The following TULP1 variants were observed in gnomAD, a reference collection of about 807,000 sequenced individuals.
TULP1 encodes the protein TUB like protein 1.
A neutral mutation model predicts 67.1 loss-of-function variants in TULP1; 50 were observed. The ratio of observed to expected loss-of-function variants is 0.75; its 90% confidence interval spans 0.59 to 0.94. The LOEUF (loss-of-function observed/expected upper bound fraction) is 0.94. Among genes scored for constraint, TULP1 ranks in the 40% least tolerant of loss-of-function variants. TULP1 has a pLI of 0.00. For synonymous variants in TULP1, 297 were observed against 294.0 expected, an observed-to-expected ratio of 1.01 and a Z score of -0.11; for missense variants, 746 against 734.1, an observed-to-expected ratio of 1.02 and a Z score of -0.19.
At position 35,498,719 on chromosome 6, in the gene TULP1, G is replaced by A. The variant is rs370862064; in HGVS notation, c.1496-259C>T. On this transcript the variant is annotated intron_variant, in intron 14 of 14. Coordinates refer to ENST00000229771, the MANE Select transcript of TULP1 (RefSeq NM_003322.6). The surrounding 1 kb of genome is among the most constrained non-coding windows in gnomAD (Gnocchi z 6.7). Reference sequence around the variant, plus strand: ...CTGCCACAGGCCATGCCTAGAGCCCGCACCTGATTAACTATAGGACCCTGT... The same window carrying A: ...CTGCCACAGGCCATGCCTAGAGCCCACACCTGATTAACTATAGGACCCTGT... 6.6e-5 allele frequency among the ~76,000 whole-genome samples: 10 copies of A among 152,200 alleles called. No homozygotes were observed. Among genetic ancestry groups the A allele is most frequent in the South Asian group, 2.1e-4 (1 of 4,836 alleles).
intron 11 of TULP1, chr6:35,505,517 G>A: frequency 7.6e-7 from 1 of 1,319,856 alleles, no homozygotes; most frequent in Non-Finnish European, 1.0e-6. Flanking sequence ...CATCGCCTGG[G>A]TGCTCATTAA....
At chr6:35,505,278 C>A (rs541593863) in intron 11 of TULP1, among the ~76,000 whole-genome samples, 1 of 152,326 alleles carries the variant, frequency 6.6e-6, no homozygotes, top group South Asian at 2.1e-4. Flanking sequence ...CTCAGGCATC[C>A]CCTTCCTTCA....
In TULP1 at chr6:35,505,474, CCAAG is replaced by C; in HGVS notation, c.1112+263_1112+266del. 3 of 896,362 alleles carry C rather than the reference CCAAG, an allele frequency of 3.3e-6. No individual in the cohort carries two copies. The Admixed American group carries it at 6.4e-5, about 19-fold the overall frequency. 55.5% of individuals were successfully genotyped at this position (896,362 alleles called of 1,614,324 possible). On this transcript the variant is annotated intron_variant, in intron 11 of 14. Transcript: ENST00000229771. ...GCCCTCGTGGAACTTATGCCCTGCT[CCAAG>C]TGAGGCCCTGGGCTGGCAGCAGTGT...
chr6:35,505,635 G>A (rs745777552), intron 11 of TULP1, 106 bp downstream of exon 11: 97 of 1,559,246 alleles, frequency 6.2e-5, no homozygotes, highest in Middle Eastern at 5.0e-4. Flanking sequence ...ACGTTTCCAG[G>A]GTGCCCACTG....
rs1298131682 is a variant in TULP1, at chr6:35,512,881, C to A, written c.-23G>T. On this transcript the variant is annotated 5_prime_UTR_variant, in exon 1 of 15. It adds an upstream start codon to the 5' untranslated region. Coordinates refer to ENST00000229771, the MANE Select transcript of TULP1 (RefSeq NM_003322.6). The stretch of plus-strand genomic sequence containing the variant: ...CATGGTGCCTTTGCCTATCGCACCC[C>A]TTTCTCTGCAGGTCTAGGAGCCTCC... 1.2e-6 allele frequency: 2 copies of A among 1,611,852 alleles called. No homozygotes were observed. The highest frequency in any genetic ancestry group is 2.2e-5 in the South Asian group (2 of 91,006).
intron 7 of TULP1, 45 bp downstream of exon 7, chr6:35,509,589 G>A (rs754530526): frequency 1.3e-6 from 2 of 1,590,408 alleles, no homozygotes; most frequent in African/African-American, 1.3e-5. Context: ...CCCGCCCCCA[G>A]GACCACCTCA....
At chr6:35,505,003 C>T (rs534474122) in intron 11 of TULP1, among the ~76,000 whole-genome samples, 1 of 152,192 alleles carries the variant, frequency 6.6e-6, no homozygotes, top group African/African-American at 2.4e-5. Flanking sequence ...GTGGCATGAT[C>T]CCAGCTCACT....
At chr6:35,501,394 T>G (rs1760956575) in intron 13 of TULP1, among the ~76,000 whole-genome samples, 1 of 150,218 alleles carries the variant, frequency 6.7e-6, no homozygotes, top group South Asian at 2.1e-4. Flanking sequence ...CATGAGAGGC[T>G]GAGGCAGGAA....
chr6:35,498,254 G>T lies in TULP1; in HGVS notation c.*73C>A. 6.3e-7 allele frequency: 1 copy of T among 1,580,570 alleles called. No homozygotes were observed. The highest frequency in any genetic ancestry group is 2.3e-5 in the East Asian group (1 of 43,450). ...GTTTTCCGCGGGAGCTTTGCTGGAGGGACCCTGCCAGCCTCCACTGAATCC... is the reference window on the plus strand; with the variant it reads ...GTTTTCCGCGGGAGCTTTGCTGGAGTGACCCTGCCAGCCTCCACTGAATCC... On this transcript the variant is annotated 3_prime_UTR_variant, in exon 15 of 15. Coordinates refer to ENST00000229771, the MANE Select transcript of TULP1 (RefSeq NM_003322.6). The surrounding 1 kb of genome is among the most constrained non-coding windows in gnomAD (Gnocchi z 6.7).
In TULP1 at chr6:35,500,099, T is replaced by C; in HGVS notation, c.1377A>G (p.Ile459Met). The change falls in exon 14 of 15, where the codon ATA becomes ATG. Residue 459 changes from isoleucine to methionine, a missense_variant. Physicochemically the swap from Ile to Met is conservative, Grantham distance 10. Transcript: ENST00000229771. The stretch of plus-strand genomic sequence containing the variant: ...AGACAGGTGGCTTGTTGTGCAGTTC[T>C]ATGAGGCTCTCCAGCGTCTTGTTCT... ...RWQNKTLESLIELHNKPPVWN... is the reference protein window; with the variant it reads ...RWQNKTLESLMELHNKPPVWN... 1 of 1,614,176 alleles carries C rather than the reference T, an allele frequency of 6.2e-7. No individual in the cohort carries two copies. The highest frequency in any genetic ancestry group is 8.5e-7 in the Non-Finnish European group (1 of 1,180,024).
rs1162280837 is a variant in TULP1, at chr6:35,509,902, G to A, written c.526C>T (p.Pro176Ser). The A allele has an allele frequency of 2.5e-6, 4 of 1,613,880 alleles. No homozygotes were observed. In the African/African-American group the frequency reaches 4.0e-5, roughly 16 times the overall value. Reference sequence around the variant, plus strand: ...TTATTCCTAACACGCAGAGGTTTCGGTGGGGGGTCAGGGCTTCCCAGGTCT... The same window carrying A: ...TTATTCCTAACACGCAGAGGTTTCGATGGGGGGTCAGGGCTTCCCAGGTCT... The part of the protein sequence containing the change: ...RGDLGSPDPP[P>S]KPLRVRNKEA... The change falls in exon 6 of 15, where the codon CCG becomes TCG. Residue 176 changes from proline (P) to serine (S), a missense_variant. Pro to Ser is a moderately conservative substitution (Grantham distance 74, BLOSUM62 -1). Transcript: ENST00000229771.
Position 35,498,562 on chromosome 6 carries a change from G to C in TULP1, c.1496-102C>G. 1 of 1,552,370 alleles carries C rather than the reference G, an allele frequency of 6.4e-7. No homozygotes were observed. Among genetic ancestry groups the C allele is most frequent in the African/African-American group, 1.4e-5 (1 of 73,978 alleles). ...TGGGGGCAGTCTGTCCCTTGCCTTG[G>C]GGCTCCAACCCTCAGCCACCATCTC... On this transcript the variant is annotated intron_variant, in intron 14 of 14. Coordinates refer to ENST00000229771, the MANE Select transcript of TULP1 (RefSeq NM_003322.6). The surrounding 1 kb of genome is among the most constrained non-coding windows in gnomAD (Gnocchi z 6.7).
At chr6:35,512,105 C>T (rs1561818594) in intron 3 of TULP1, 75 bp downstream of exon 3, 1 of 985,274 alleles carries the variant, frequency 1.0e-6, no homozygotes, top group Non-Finnish European at 1.4e-6. Flanking sequence ...TCGGCGACAC[C>T]CGCGCCGGCC....
In TULP1 at chr6:35,512,630, G is replaced by T. The variant is rs781548822; in HGVS notation, c.99+9C>A. The T allele has an allele frequency of 3.1e-6, 5 of 1,614,058 alleles. No individual in the cohort carries two copies. The highest frequency in any genetic ancestry group is 2.2e-5 in the East Asian group (1 of 44,860). ...TCTTTCTGCTTCCTTTCCAAGTGGG[G>T]TGGCATACCTGTTTGGGGCGCCGCG... is the stretch of plus-strand genomic sequence containing the variant. On this transcript the variant is annotated intron_variant, in intron 2 of 14. Coordinates refer to ENST00000229771, the MANE Select transcript of TULP1 (RefSeq NM_003322.6).
intron 2 of TULP1, 107 bp from the exon 3 acceptor site, chr6:35,512,377 G>A (rs528758725): frequency 4.4e-6 from 3 of 687,862 alleles, no homozygotes; most frequent in South Asian, 2.1e-5. Context: ...CAGATTATCC[G>A]GGGGGAACTG....
chr6:35,508,102 T>C (rs1263949650), intron 8 of TULP1, among the ~76,000 whole-genome samples: 1 of 152,212 alleles, frequency 6.6e-6, no homozygotes, highest in Non-Finnish European at 1.5e-5. Context: ...ATTACAGGCA[T>C]GAGCCACTTT....
rs1761234573 is a variant in TULP1, at chr6:35,512,634, C to A, written c.99+5G>T. ...TCTGCTTCCTTTCCAAGTGGGGTGG[C>A]ATACCTGTTTGGGGCGCCGCGGGGC... On this transcript the variant is annotated splice_donor_5th_base_variant and intron_variant, in intron 2 of 14. Coordinates refer to ENST00000229771, the MANE Select transcript of TULP1 (RefSeq NM_003322.6). 1 of 1,613,932 alleles carries A rather than the reference C, an allele frequency of 6.2e-7. No individual in the cohort carries two copies. The highest frequency in any genetic ancestry group is 1.7e-5 in the Admixed American group (1 of 60,006).
In TULP1 at chr6:35,511,579, C is replaced by G; in HGVS notation, c.349+69G>C. ...GTTTTCTGCCTCTCTGGGCCGTTCC[C>G]GTCCAGCCAGCCCCTTCTCTCCTTA... On this transcript the variant is annotated intron_variant, in intron 4 of 14. Coordinates refer to ENST00000229771, the MANE Select transcript of TULP1 (RefSeq NM_003322.6). 1.9e-6 allele frequency: 3 copies of G among 1,554,800 alleles called. No homozygotes were observed. The South Asian group carries it at 3.5e-5, about 18-fold the overall frequency.
chr6:35,504,995 GGC>G (rs1239091753), intron 11 of TULP1, among the ~76,000 whole-genome samples: 11 of 152,086 alleles, frequency 7.2e-5, no homozygotes, highest in African/African-American at 2.7e-4. Context: ...GAAGTGCAGT[GGC>G]ATGATCCCAG....
Sources: allele counts gnomAD v4.1 joint callset (sites outside exome capture counted in the v4.1 genomes callset), GRCh38; gene constraint gnomAD v4.1.1; non-coding constraint Gnocchi (gnomAD v3.1); transcripts MANE v1.5; gene names NCBI Gene and HGNC (gene_info 2026-07-23, HGNC 2026-07-21).